The following CHRM2 variants were observed in gnomAD, a reference collection of about 807,000 sequenced individuals.
The protein encoded by CHRM2 is muscarinic acetylcholine receptor M2.
A neutral mutation model predicts 25.0 loss-of-function variants in CHRM2; 8 were observed. That is an observed-to-expected ratio of 0.32 (90% CI 0.19 to 0.58). The LOEUF (loss-of-function observed/expected upper bound fraction) is 0.58. Ranked by LOEUF, CHRM2 falls within the 20% of genes least tolerant of loss-of-function variation. The probability of loss-of-function intolerance (pLI) is 0.88; values close to 1 mark genes in which losing one functional copy is unlikely to be tolerated. For synonymous variants in CHRM2, 202 were observed against 205.7 expected (o/e 0.98, Z 0.15); for missense variants, 440 against 567.1 (o/e 0.78, Z 2.28).
chr7:136,988,402 A>G (rs754955214), intron 2 of CHRM2, among the ~76,000 whole-genome samples: 15 of 152,172 alleles, frequency 9.9e-5, no homozygotes, highest in Non-Finnish European at 1.9e-4. Flanking sequence ...TTGTGTACTA[A>G]TAGGTAATAT....
At chr7:136,945,632 A>T (rs1056765550) in intron 2 of CHRM2, among the ~76,000 whole-genome samples, 5 of 152,196 alleles carry the variant, frequency 3.3e-5, no homozygotes, top group African/African-American at 1.2e-4. Context: ...GCCTTGTAGT[A>T]TAATTTGAAG....
At chr7:136,950,242 G>A (rs1674793904) in intron 2 of CHRM2, among the ~76,000 whole-genome samples, 1 of 152,126 alleles carries the variant, frequency 6.6e-6, no homozygotes, top group Admixed American at 6.5e-5. Context: ...TGTAGAGTTT[G>A]CATCAAGAAG....
At chr7:137,006,595 G>A (rs1804443243) in intron 3 of CHRM2, among the ~76,000 whole-genome samples, 1 of 152,010 alleles carries the variant, frequency 6.6e-6, no homozygotes, top group South Asian at 2.1e-4. Flanking sequence ...TTGTACTGAT[G>A]TGAGGATCAG....
intron 2 of CHRM2, among the ~76,000 whole-genome samples, chr7:136,961,604 C>T (rs946538480): frequency 2.6e-5 from 4 of 151,918 alleles, no homozygotes; most frequent in Non-Finnish European, 4.4e-5. Flanking sequence ...CTTTGGGGTA[C>T]ATTTCAATCT....
At chr7:136,883,941 T>G (rs1454225688) in intron 2 of CHRM2, among the ~76,000 whole-genome samples, 2 of 152,186 alleles carry the variant, frequency 1.3e-5, no homozygotes, top group African/African-American at 4.8e-5. Context: ...ATCTACTTTC[T>G]TGCTTTCCAG....
chr7:136,891,495 G>A (rs939997694), intron 2 of CHRM2, among the ~76,000 whole-genome samples: 25 of 152,150 alleles, frequency 1.6e-4, no homozygotes, highest in Non-Finnish European at 2.9e-4. Context: ...CTATCAACAT[G>A]ACTTATTACT....
intron 2 of CHRM2, among the ~76,000 whole-genome samples, chr7:136,983,231 T>C (rs1802607713): frequency 6.6e-6 from 1 of 152,216 alleles, no homozygotes; most frequent in African/African-American, 2.4e-5. Context: ...ACTTGATCAA[T>C]TCAGCTATTC....
At chr7:136,926,497 C>T (rs561603543) in intron 2 of CHRM2, among the ~76,000 whole-genome samples, 2 of 152,254 alleles carry the variant, frequency 1.3e-5, no homozygotes, top group African/African-American at 4.8e-5. Context: ...ATGTTTATAA[C>T]TCTCAGATCT....
At chr7:136,937,100 A>G (rs549629511) in intron 2 of CHRM2, among the ~76,000 whole-genome samples, 1 of 152,292 alleles carries the variant, frequency 6.6e-6, no homozygotes, top group East Asian at 1.9e-4. Flanking sequence ...TCTAGCCCCA[A>G]AGACAGAGAA....
chr7:136,909,160 C>T (rs1271754782), intron 2 of CHRM2, among the ~76,000 whole-genome samples: 1 of 151,894 alleles, frequency 6.6e-6, no homozygotes, highest in East Asian at 1.9e-4. Context: ...TTATTCTGGG[C>T]TCAATAATTG....
chr7:136,886,073 C>T (rs529680833), intron 2 of CHRM2, among the ~76,000 whole-genome samples: 4 of 152,206 alleles, frequency 2.6e-5, no homozygotes, highest in East Asian at 3.9e-4. Context: ...AATCTGTCAT[C>T]GAAGGGAAAC....
chr7:136,994,745 TA>T lies in CHRM2; in HGVS notation c.-47+2484del, dbSNP rs771989501. Among the ~76,000 whole-genome samples, 188 of 151,766 alleles carry T rather than the reference TA, an allele frequency of 1.2e-3. 2 individuals carry two copies. The highest frequency in any genetic ancestry group is 2.1e-3 in the Non-Finnish European group (141 of 67,898). On this transcript the variant is annotated intron_variant, in intron 3 of 3. Coordinates refer to ENST00000680005, the MANE Select transcript of CHRM2 (RefSeq NM_001006630.2). ...TTATACACAATAAAATCAAATATAT[TA>T]AATTTTTTAGATATTTATTTTTTAA... is the stretch of plus-strand genomic sequence containing the variant.
intron 2 of CHRM2, among the ~76,000 whole-genome samples, chr7:136,936,507 T>A (rs986346442): frequency 6.6e-6 from 1 of 152,166 alleles, no homozygotes; most frequent in Non-Finnish European, 1.5e-5. Context: ...ATGAATGACA[T>A]GATTGAAACT....
At position 137,014,927 on chromosome 7, in the gene CHRM2, T is replaced by C. The variant is rs1233596712; in HGVS notation, c.62T>C (p.Phe21Ser). The C allele has an allele frequency of 3.1e-6, 5 of 1,613,248 alleles. No individual in the cohort carries two copies. Among genetic ancestry groups the C allele is most frequent in the African/African-American group, 1.3e-5 (1 of 74,984 alleles). Residue 21 changes from phenylalanine to serine, a missense_variant, in exon 4 of 4, where the codon TTT (phenylalanine) becomes TCT (serine). Transcript: ENST00000680005. ...GCTCTTACAAGTCCTTATAAGACATTTGAAGTGGTGTTTATTGTCCTGGTG... is the reference window on the plus strand; with the variant it reads ...GCTCTTACAAGTCCTTATAAGACATCTGAAGTGGTGTTTATTGTCCTGGTG... The part of the protein sequence containing the change: ...SLALTSPYKT[F>S]EVVFIVLVAG...
chr7:136,950,065 C>T (rs1035427598), intron 2 of CHRM2, among the ~76,000 whole-genome samples: 2 of 152,020 alleles, frequency 1.3e-5, no homozygotes, highest in Non-Finnish European at 2.9e-5. Context: ...TAAAATGATA[C>T]CTCATGGTGG....
intron 2 of CHRM2, among the ~76,000 whole-genome samples, chr7:136,948,812 C>G (rs1800219731): frequency 1.3e-5 from 2 of 152,068 alleles, no homozygotes; most frequent in South Asian, 4.1e-4. Flanking sequence ...ACCACAGCTC[C>G]TCTGGTGAAC....
At chr7:136,965,561 G>T (rs567519064) in intron 2 of CHRM2, among the ~76,000 whole-genome samples, 59 of 152,096 alleles carry the variant, frequency 3.9e-4, no homozygotes, top group Admixed American at 6.6e-4. Context: ...TACTCTAAAA[G>T]AGAAAATAAC....
chr7:136,871,536 G>C (rs1795840238), intron 2 of CHRM2: 1 of 152,774 alleles, frequency 6.5e-6, no homozygotes, highest in East Asian at 1.9e-4. Flanking sequence ...GGATTGTGCG[G>C]CAAAGGCCGC....
At chr7:136,980,199 T>C (rs1185372634) in intron 2 of CHRM2, among the ~76,000 whole-genome samples, 2 of 152,216 alleles carry the variant, frequency 1.3e-5, no homozygotes, top group Non-Finnish European at 2.9e-5. Flanking sequence ...TTTATTCTCT[T>C]TGTAGCAGTT....
Sources: allele counts gnomAD v4.1 joint callset (sites outside exome capture counted in the v4.1 genomes callset), GRCh38; gene constraint gnomAD v4.1.1; transcripts MANE v1.5; gene names NCBI Gene and HGNC (gene_info 2026-07-23, HGNC 2026-07-21).